PPIG: variants seen among roughly 807,000 people sequenced by gnomAD.
The protein encoded by PPIG is peptidylprolyl isomerase G.
In PPIG, 26 loss-of-function variants were observed where a neutral mutation model predicts 87.9. That is an observed-to-expected ratio of 0.30 (90% CI 0.22 to 0.41). The LOEUF (loss-of-function observed/expected upper bound fraction) is 0.41. Ranked by LOEUF, PPIG falls within the 10% of genes least tolerant of loss-of-function variation. The pLI, the probability that PPIG is intolerant of heterozygous loss-of-function variation, is 1.00. For missense variants in PPIG, 722 were observed against 879.4 expected (o/e 0.82, Z 2.26); for synonymous variants, 308 against 276.5 (o/e 1.11, Z -1.13).
chr2:169,598,843 G>GTATATAAATTCAGGTAAATATATT (rs1559176621), intron 1 of PPIG, among the ~76,000 whole-genome samples: 3 of 110,422 alleles, frequency 2.7e-5, no homozygotes, highest in African/African-American at 1.1e-4. Context: ...ATATTTATAT[G>GTATATAAATTCAGGTAAATATATT]TATATAAATA....
At chr2:169,602,075 C>G (rs1440724001) in intron 1 of PPIG, among the ~76,000 whole-genome samples, 1 of 152,158 alleles carries the variant, frequency 6.6e-6, no homozygotes, top group African/African-American at 2.4e-5. Context: ...AACTTTGTTT[C>G]ATGCACAAAA....
At chr2:169,628,672 G>T (rs1384882427) in intron 9 of PPIG, among the ~76,000 whole-genome samples, 1 of 151,934 alleles carries the variant, frequency 6.6e-6, no homozygotes, top group Non-Finnish European at 1.5e-5. Context: ...AGGCATGGTA[G>T]CCCACACCTG....
At position 169,606,150 on chromosome 2, in the gene PPIG, AGAC is replaced by A; in HGVS notation, c.244+5_244+7del. The A allele has an allele frequency of 6.4e-7, 1 of 1,566,286 alleles. No individual in the cohort carries two copies. Among genetic ancestry groups the A allele is most frequent in the Non-Finnish European group, 8.8e-7 (1 of 1,137,002 alleles). On this transcript the variant is annotated splice_donor_5th_base_variant and intron_variant, in intron 5 of 13. Coordinates refer to ENST00000260970, the MANE Select transcript of PPIG (RefSeq NM_004792.3). The stretch of plus-strand genomic sequence containing the variant: ...CAAGGTGGTGACTTCAGTGAAGGTG[AGAC>A]TTGGAAAAATCATGTATTATTTTCT...
chr2:169,586,489 T>A (rs564657446), intron 1 of PPIG, among the ~76,000 whole-genome samples: 9 of 152,338 alleles, frequency 5.9e-5, no homozygotes, highest in Admixed American at 5.9e-4. Flanking sequence ...TTTCATTAAC[T>A]CAGTGGTTCC....
At chr2:169,595,802 T>C (rs1685000290) in intron 1 of PPIG, among the ~76,000 whole-genome samples, 1 of 152,208 alleles carries the variant, frequency 6.6e-6, no homozygotes, top group East Asian at 1.9e-4. Flanking sequence ...TTTTTTGTTT[T>C]GTTTTGTTTT....
chr2:169,603,903 A>G, intron 2 of PPIG, 123 bp from the exon 3 acceptor site: 4 of 741,434 alleles, frequency 5.4e-6, no homozygotes, highest in Non-Finnish European at 8.8e-6. Context: ...CCTCATAGAA[A>G]TAAATATCAA....
At chr2:169,627,484 T>G (rs185189421) in intron 9 of PPIG, among the ~76,000 whole-genome samples, 24 of 152,346 alleles carry the variant, frequency 1.6e-4, no homozygotes, top group African/African-American at 5.5e-4. Context: ...GAAATGTATT[T>G]AATACACTTG....
At chr2:169,597,590 C>G (rs1685054421) in intron 1 of PPIG, among the ~76,000 whole-genome samples, 1 of 151,606 alleles carries the variant, frequency 6.6e-6, no homozygotes, top group South Asian at 2.1e-4. Context: ...CCTCCGCATC[C>G]TGAGTTCAAG....
chr2:169,598,081 A>G (rs1188480675), intron 1 of PPIG, among the ~76,000 whole-genome samples: 1 of 150,524 alleles, frequency 6.6e-6, no homozygotes, highest in Non-Finnish European at 1.5e-5. Context: ...GCTCACTGCA[A>G]CCTCCGCATC....
intron 1 of PPIG, among the ~76,000 whole-genome samples, chr2:169,594,093 C>T (rs779693464): frequency 9.9e-5 from 15 of 151,986 alleles, no homozygotes; most frequent in Non-Finnish European, 1.9e-4. Context: ...CTAAAAAGAG[C>T]ACCAGCGTAG....
Position 169,631,679 on chromosome 2 carries a change from T to A in PPIG, c.762-87T>A, listed in dbSNP as rs1016769527. The A allele has an allele frequency of 2.1e-5, 33 of 1,591,716 alleles. 1 individual carries two copies. The highest frequency in any genetic ancestry group is 2.6e-5 in the Non-Finnish European group (30 of 1,175,002). On this transcript the variant is annotated intron_variant, in intron 10 of 13. Transcript: ENST00000260970. ...ACAGGATGTTTATATTATAGTGATA[T>A]AAAGGAAAGAAATACCAACAATTGG...
In PPIG at chr2:169,636,724, G is replaced by A. The variant is rs760084349; in HGVS notation, c.1466G>A (p.Ser489Asn). 2 of 1,612,050 alleles carry A rather than the reference G, an allele frequency of 1.2e-6. No homozygotes were observed. Among genetic ancestry groups the A allele is most frequent in the South Asian group, 1.1e-5 (1 of 90,668 alleles). Residue 489 changes from serine to asparagine, a missense_variant, in exon 14 of 14, where the codon AGT becomes AAT. By Grantham distance (46) the Ser-to-Asn change is conservative. Transcript: ENST00000260970. The stretch of plus-strand genomic sequence containing the variant: ...GAAGAAAAGAGGATGAGGTCAAGGA[G>A]TAAAGGAAGGGATCATGAAAATGTT... ...RNEEKRMRSR[S>N]KGRDHENVKE...
Position 169,605,932 on chromosome 2 carries a change from T to C in PPIG, c.137-107T>C, listed in dbSNP as rs111320112. On this transcript the variant is annotated intron_variant, in intron 4 of 13. Transcript: ENST00000260970. ...AAAATTCCTGAAAGGAATGAAAATA[T>C]GATTTTAAGTCTGCAGGGTTCAAGA... 557 of 713,476 alleles carry C rather than the reference T, an allele frequency of 7.8e-4. 1 individual carries two copies. The African/African-American group carries it at 8.9e-3, about 11-fold the overall frequency. The allele number at this position is 713,476 out of a possible 1,614,324, so 44.2% of individuals were successfully genotyped here.
intron 9 of PPIG, among the ~76,000 whole-genome samples, chr2:169,620,511 C>G (rs1468926511): frequency 6.6e-6 from 1 of 151,788 alleles, no homozygotes; most frequent in East Asian, 1.9e-4. Flanking sequence ...TGTTTTTTAA[C>G]TGTAGTTGTC....
In PPIG at chr2:169,637,051, A is replaced by T. The variant is rs1163324750; in HGVS notation, c.1793A>T (p.Tyr598Phe). 4.3e-6 allele frequency: 7 copies of T among 1,613,790 alleles called. No individual in the cohort carries two copies. Among genetic ancestry groups the T allele is most frequent in the Non-Finnish European group, 5.1e-6 (6 of 1,179,902 alleles). ...TACCATAGATACAGAGAACAGGAAT[A>T]CAGGAGAAGAGGACGGTCACGAAGC... Reference protein sequence around the residue: ...KEYHRYREQEYRRRGRSRSRE... With the variant: ...KEYHRYREQEFRRRGRSRSRE... Residue 598 changes from tyrosine (Y) to phenylalanine (F), a missense_variant, in exon 14 of 14, where the codon TAC (tyrosine) becomes TTC (phenylalanine). Tyr to Phe is a conservative substitution (Grantham distance 22). This residue lies in a region of PPIG where 476 missense variants were observed against 483.1 expected (regional missense o/e 0.99). Transcript: ENST00000260970.
intron 1 of PPIG, among the ~76,000 whole-genome samples, chr2:169,596,533 G>T (rs1342434099): frequency 6.6e-6 from 1 of 152,198 alleles, no homozygotes; most frequent in South Asian, 2.1e-4. Flanking sequence ...GCTCAGTGAG[G>T]CAGGAAAGCG....
At chr2:169,621,242 A>G (rs1170889385) in intron 9 of PPIG, among the ~76,000 whole-genome samples, 2 of 152,016 alleles carry the variant, frequency 1.3e-5, no homozygotes, top group Non-Finnish European at 2.9e-5. Flanking sequence ...GTTTTGTTTT[A>G]ATTTTAAAAC....
chr2:169,624,917 GAA>G (rs1374269944), intron 9 of PPIG, among the ~76,000 whole-genome samples: 1 of 152,120 alleles, frequency 6.6e-6, no homozygotes, highest in Admixed American at 6.5e-5. Context: ...AGAGTCAGCT[GAA>G]AACAACTGTT....
chr2:169,598,434 G>A (rs942177619), intron 1 of PPIG, among the ~76,000 whole-genome samples: 4 of 152,062 alleles, frequency 2.6e-5, no homozygotes, highest in Non-Finnish European at 5.9e-5. Flanking sequence ...GGGACTACAG[G>A]CGCCTGCCAC....
Sources: gnomAD v4.1 joint callset for allele counts (sites outside exome capture counted in the v4.1 genomes callset) on GRCh38, gnomAD v4.1.1 for gene constraint, gnomAD v4.1.1 regional missense constraint, MANE v1.5 for transcripts, NCBI Gene and HGNC (gene_info 2026-07-23, HGNC 2026-07-21) for gene names.